The following ROBO1 variants were observed in gnomAD, a reference collection of about 807,000 sequenced individuals.
ROBO1 encodes roundabout homolog 1.
ROBO1 carries 149 observed loss-of-function variants against 195.9 expected under a neutral mutation model. The observed-to-expected ratio is 0.76, with a 90% CI of 0.67 to 0.87. ROBO1 has a LOEUF of 0.87. Among genes scored for constraint, ROBO1 ranks in the 40% least tolerant of loss-of-function variants. The pLI is 0.00. For synonymous variants in ROBO1, 816 were observed against 733.2 expected (o/e 1.11, Z -1.82); for missense variants, 1,933 against 2,068.3 (o/e 0.93, Z 1.27).
At chr3:78,878,402 A>G (rs1298416540) in intron 4 of ROBO1, among the ~76,000 whole-genome samples, 1 of 151,996 alleles carries the variant, frequency 6.6e-6, no homozygotes, top group Non-Finnish European at 1.5e-5. Context: ...CCTGGCCAAC[A>G]TGGCAAACCC....
chr3:79,151,963 C>T (rs1293844737), intron 2 of ROBO1, among the ~76,000 whole-genome samples: 2 of 151,790 alleles, frequency 1.3e-5, no homozygotes, highest in Non-Finnish European at 2.9e-5. Flanking sequence ...ATTTTACTGA[C>T]ATTTTCTTTT....
chr3:79,387,361 T>C (rs1462038519), intron 2 of ROBO1, among the ~76,000 whole-genome samples: 1 of 151,660 alleles, frequency 6.6e-6, no homozygotes, highest in East Asian at 1.9e-4. Context: ...CTATATAAAA[T>C]TTTTAAAAGA....
intron 2 of ROBO1, among the ~76,000 whole-genome samples, chr3:79,181,422 C>A (rs1359269524): frequency 1.3e-5 from 2 of 152,266 alleles, no homozygotes; most frequent in South Asian, 2.1e-4. Context: ...AACTTTGAGA[C>A]TTGTACAGTC....
intron 2 of ROBO1, among the ~76,000 whole-genome samples, chr3:79,463,772 G>A: frequency 6.6e-6 from 1 of 152,112 alleles, no homozygotes; most frequent in East Asian, 1.9e-4. Flanking sequence ...CAACTAAAAT[G>A]TTTTATTCTT....
intron 1 of ROBO1, among the ~76,000 whole-genome samples, chr3:79,684,706 T>C (rs933023721): frequency 6.6e-6 from 1 of 152,020 alleles, no homozygotes; most frequent in African/African-American, 2.4e-5. Flanking sequence ...GATGGAGTCT[T>C]GCTCTGTCGC....
chr3:79,755,647 G>GA (rs1325544019), intron 1 of ROBO1, among the ~76,000 whole-genome samples: 1 of 148,890 alleles, frequency 6.7e-6, no homozygotes, highest in Non-Finnish European at 1.5e-5. Context: ...ATCAGAATGT[G>GA]AATCATTATA....
intron 8 of ROBO1, among the ~76,000 whole-genome samples, chr3:78,703,627 A>AAC (rs2081474356): frequency 6.6e-6 from 1 of 152,122 alleles, no homozygotes; most frequent in Non-Finnish European, 1.5e-5. Context: ...GAGAAGGAGA[A>AAC]GAAAGACACA....
chr3:78,631,646 A>G (rs1309029194), intron 24 of ROBO1, among the ~76,000 whole-genome samples: 1 of 152,200 alleles, frequency 6.6e-6, no homozygotes, highest in East Asian at 1.9e-4. Flanking sequence ...CCTTTCTATT[A>G]TTTAATTGCT....
intron 14 of ROBO1, among the ~76,000 whole-genome samples, chr3:78,667,028 G>A (rs576111933): frequency 2.0e-5 from 3 of 151,888 alleles, no homozygotes; most frequent in African/African-American, 4.8e-5. Flanking sequence ...TTACAATGAC[G>A]TGATTTTTTT....
At chr3:79,557,765 T>C (rs955102273) in intron 2 of ROBO1, among the ~76,000 whole-genome samples, 1 of 147,346 alleles carries the variant, frequency 6.8e-6, no homozygotes, top group Non-Finnish European at 1.5e-5. Flanking sequence ...TATATATATA[T>C]TTTATTGCAA....
At chr3:78,874,097 T>C (rs1486003989) in intron 4 of ROBO1, among the ~76,000 whole-genome samples, 1 of 151,992 alleles carries the variant, frequency 6.6e-6, no homozygotes, top group Admixed American at 6.6e-5. Context: ...TTTTCCATCT[T>C]GCATTTTCAA....
chr3:79,480,489 A>G (rs1938780669), intron 2 of ROBO1, among the ~76,000 whole-genome samples: 1 of 152,114 alleles, frequency 6.6e-6, no homozygotes, highest in Non-Finnish European at 1.5e-5. Context: ...GCTCTGCTAG[A>G]TGGGCTAGGT....
At chr3:79,461,046 G>A (rs970558725) in intron 2 of ROBO1, among the ~76,000 whole-genome samples, 2 of 152,054 alleles carry the variant, frequency 1.3e-5, no homozygotes, top group Admixed American at 6.6e-5. Context: ...TAAAATTTTA[G>A]TTTATCAGAG....
At chr3:79,443,454 A>G (rs1295237213) in intron 2 of ROBO1, among the ~76,000 whole-genome samples, 1 of 152,146 alleles carries the variant, frequency 6.6e-6, no homozygotes. Context: ...TTACATAAAA[A>G]CCATTATAGC....
chr3:79,420,127 A>G (rs1157028529), intron 2 of ROBO1, among the ~76,000 whole-genome samples: 1 of 152,184 alleles, frequency 6.6e-6, no homozygotes, highest in Non-Finnish European at 1.5e-5. Context: ...GAGTATCATT[A>G]TATTCCTACC....
intron 2 of ROBO1, among the ~76,000 whole-genome samples, chr3:79,186,791 C>G (rs926652650): frequency 2.0e-5 from 3 of 151,998 alleles, no homozygotes; most frequent in African/African-American, 7.2e-5. Flanking sequence ...TTCTGGATGG[C>G]AACAGTGGGA....
intron 2 of ROBO1, among the ~76,000 whole-genome samples, chr3:79,182,572 C>T (rs79698451): frequency 5.8e-4 from 54 of 93,512 alleles, no homozygotes; most frequent in South Asian, 1.1e-3. Flanking sequence ...TGTGTGTGTG[C>T]GTGCGTGCAT....
chr3:79,440,200 G>C (rs2107116557), intron 2 of ROBO1, among the ~76,000 whole-genome samples: 1 of 151,930 alleles, frequency 6.6e-6, no homozygotes, highest in South Asian at 2.1e-4. Context: ...CCTCCCCACT[G>C]GTTTAAAGTA....
intron 10 of ROBO1, among the ~76,000 whole-genome samples, chr3:78,679,254 G>A (rs2080825818): frequency 6.6e-6 from 1 of 151,956 alleles, no homozygotes; most frequent in African/African-American, 2.4e-5. Context: ...CATTCCCTTT[G>A]AAAACTGGCA....
Sources: gnomAD v4.1 joint callset for allele counts (sites outside exome capture counted in the v4.1 genomes callset) on GRCh38, gnomAD v4.1.1 for gene constraint, MANE v1.5 for transcripts, NCBI Gene and HGNC (gene_info 2026-07-23, HGNC 2026-07-21) for gene names.